Variants in NCAM2 observed in about 807,000 individuals in gnomAD.
The protein encoded by NCAM2 is N-CAM-2.
In NCAM2, 30 loss-of-function variants were observed where a neutral mutation model predicts 98.1. The ratio of observed to expected loss-of-function variants is 0.31; its 90% confidence interval spans 0.23 to 0.41. NCAM2 has a LOEUF of 0.41. NCAM2 is among the 10% of genes least tolerant of loss of function. The probability of loss-of-function intolerance (pLI) is 1.00; values close to 1 mark genes in which losing one functional copy is unlikely to be tolerated. For missense variants in NCAM2, 867 were observed against 1,005.8 expected (o/e 0.86, Z 1.87); for synonymous variants, 368 against 342.4 (o/e 1.07, Z -0.83).
chr21:21,301,608 T>G (rs957780954), intron 5 of NCAM2, among the ~76,000 whole-genome samples: 10 of 125,666 alleles, frequency 8.0e-5, no homozygotes, highest in African/African-American at 2.8e-4. Context: ...ATTGTTCAAT[T>G]CCCACCTATG....
Position 21,041,641 on chromosome 21 carries a change from G to T in NCAM2, c.55+43023G>T, listed in dbSNP as rs1036760190. ...CTAGAACATCGTGGTGGTGGTGTAA[G>T]GATATGAATATTTTGAGTTTTTCAC... On this transcript the variant is annotated intron_variant, in intron 1 of 17. Coordinates refer to ENST00000400546, the MANE Select transcript of NCAM2 (RefSeq NM_004540.5). Among the ~76,000 whole-genome samples, 6 of 152,146 alleles carry T rather than the reference G, an allele frequency of 3.9e-5. 1 individual carries two copies. Among genetic ancestry groups the T allele is most frequent in the Non-Finnish European group, 1.5e-5 (1 of 68,020 alleles).
chr21:21,490,885 A>T (rs1986796691), intron 15 of NCAM2, among the ~76,000 whole-genome samples: 1 of 151,802 alleles, frequency 6.6e-6, no homozygotes, highest in South Asian at 2.1e-4. Context: ...ACTGTGTGTA[A>T]TCCTATGCGT....
At chr21:21,321,124 A>T (rs1452794695) in intron 5 of NCAM2, among the ~76,000 whole-genome samples, 1 of 152,180 alleles carries the variant, frequency 6.6e-6, no homozygotes, top group Non-Finnish European at 1.5e-5. Context: ...TTTCTAATGG[A>T]CACACAGCCC....
chr21:21,215,711 G>T (rs778352485), intron 1 of NCAM2, among the ~76,000 whole-genome samples: 1 of 151,828 alleles, frequency 6.6e-6, no homozygotes, highest in Non-Finnish European at 1.5e-5. Context: ...CTAGGCGACA[G>T]AGCAAAGATT....
At chr21:21,110,165 C>T (rs925557413) in intron 1 of NCAM2, among the ~76,000 whole-genome samples, 3 of 152,152 alleles carry the variant, frequency 2.0e-5, no homozygotes. Flanking sequence ...TCAGCGTCCT[C>T]ATGACAGAAA....
intron 1 of NCAM2, among the ~76,000 whole-genome samples, chr21:21,023,532 A>G (rs530016369): frequency 1.3e-5 from 2 of 152,068 alleles, no homozygotes; most frequent in African/African-American, 4.8e-5. Context: ...AAAAAAAAAA[A>G]AAGAAGAAGA....
chr21:21,343,397 T>A (rs1381564669), intron 8 of NCAM2, among the ~76,000 whole-genome samples: 9 of 107,668 alleles, frequency 8.4e-5, no homozygotes, highest in African/African-American at 1.6e-4. Context: ...ACACACACAA[T>A]CTTCATGAGA....
At chr21:21,316,284 A>G (rs1601952271) in intron 5 of NCAM2, among the ~76,000 whole-genome samples, 1 of 152,036 alleles carries the variant, frequency 6.6e-6, no homozygotes, top group South Asian at 2.1e-4. Flanking sequence ...TTTTATTATT[A>G]TACTTTAAGT....
At chr21:21,340,977 T>G (rs2075015561) in intron 8 of NCAM2, among the ~76,000 whole-genome samples, 1 of 152,082 alleles carries the variant, frequency 6.6e-6, no homozygotes, top group Non-Finnish European at 1.5e-5. Context: ...ATATCAATGT[T>G]TATCATATTA....
intron 16 of NCAM2, among the ~76,000 whole-genome samples, chr21:21,515,256 A>G (rs998416060): frequency 5.9e-5 from 9 of 152,132 alleles, no homozygotes; most frequent in African/African-American, 2.2e-4. Context: ...GTTTAAGCAG[A>G]TGGTGTTCTG....
chr21:21,363,815 G>A (rs232497), intron 8 of NCAM2, among the ~76,000 whole-genome samples: 54,412 of 151,744 alleles, frequency 0.36, 9,960 homozygotes, highest in East Asian at 0.58. Context: ...AAGGTGTTTT[G>A]ATAAGACTCC....
chr21:21,260,085 A>G (rs963667619), intron 1 of NCAM2, among the ~76,000 whole-genome samples: 2 of 151,744 alleles, frequency 1.3e-5, no homozygotes, highest in Non-Finnish European at 2.9e-5. Context: ...GAATAGATCA[A>G]GCAGAAGAAA....
At chr21:21,090,026 A>C (rs1212943521) in intron 1 of NCAM2, among the ~76,000 whole-genome samples, 1 of 152,158 alleles carries the variant, frequency 6.6e-6, no homozygotes, top group African/African-American at 2.4e-5. Context: ...AATGGAAACC[A>C]CAACTACCCT....
chr21:21,307,239 A>C (rs1016028488), intron 5 of NCAM2, among the ~76,000 whole-genome samples: 2 of 152,084 alleles, frequency 1.3e-5, no homozygotes, highest in Non-Finnish European at 2.9e-5. Context: ...TTAATGAATC[A>C]ATTAATTTCC....
At chr21:21,326,558 T>C (rs2074516813) in intron 6 of NCAM2, among the ~76,000 whole-genome samples, 1 of 151,758 alleles carries the variant, frequency 6.6e-6, no homozygotes, top group Non-Finnish European at 1.5e-5. Context: ...TCTGCAGAGA[T>C]TTTTTTTTCT....
chr21:21,332,294 A>T (rs1438216031), intron 6 of NCAM2, among the ~76,000 whole-genome samples: 1 of 152,118 alleles, frequency 6.6e-6, no homozygotes, highest in African/African-American at 2.4e-5. Context: ...TGTTTTATAG[A>T]TGCAGTTAAG....
chr21:21,203,261 C>T (rs1448149814), intron 1 of NCAM2, among the ~76,000 whole-genome samples: 1 of 152,088 alleles, frequency 6.6e-6, no homozygotes, highest in African/African-American at 2.4e-5. Flanking sequence ...ATGGCCTTTG[C>T]TTTGTCTTGT....
chr21:21,486,228 C>A (rs956160553), intron 15 of NCAM2, among the ~76,000 whole-genome samples: 1 of 130,818 alleles, frequency 7.6e-6, no homozygotes, highest in Non-Finnish European at 1.6e-5. Flanking sequence ...GGCGTGAACC[C>A]GGGAGGCGGA....
chr21:21,076,692 A>G (rs1358980613), intron 1 of NCAM2, among the ~76,000 whole-genome samples: 1 of 152,176 alleles, frequency 6.6e-6, no homozygotes, highest in Non-Finnish European at 1.5e-5. Context: ...CATACTCACA[A>G]CTAACTGTAT....
Sources: allele counts gnomAD v4.1 joint callset (sites outside exome capture counted in the v4.1 genomes callset), GRCh38; gene constraint gnomAD v4.1.1; transcripts MANE v1.5; gene names NCBI Gene and HGNC (gene_info 2026-07-23, HGNC 2026-07-21).